The following PCNT variants were observed in gnomAD, a reference collection of about 807,000 sequenced individuals.
PCNT encodes the protein pericentrin.
PCNT carries 319 observed loss-of-function variants against 380.4 expected under a neutral mutation model. The observed-to-expected ratio is 0.84, with a 90% CI of 0.77 to 0.92. The LOEUF (loss-of-function observed/expected upper bound fraction) is 0.92, where lower values mean the gene tolerates loss of function less well. Ranked by LOEUF, PCNT falls within the 40% of genes least tolerant of loss-of-function variation. The pLI, the probability that PCNT is intolerant of heterozygous loss-of-function variation, is 0.00. For synonymous variants in PCNT, 1,845 were observed against 1,735.2 expected (o/e 1.06, Z -1.57); for missense variants, 4,400 against 4,255.3 (o/e 1.03, Z -0.95).
intron 13 of PCNT, among the ~76,000 whole-genome samples, chr21:46,360,769 C>T (rs867135501): frequency 7.2e-5 from 11 of 151,888 alleles, no homozygotes; most frequent in South Asian, 4.2e-4. Flanking sequence ...CCGCCCACCT[C>T]GGCCTCCCAA....
intron 13 of PCNT, 125 bp from the exon 14 acceptor site, chr21:46,363,355 T>C (rs1366974515): frequency 1.3e-6 from 1 of 741,056 alleles, no homozygotes; most frequent in East Asian, 2.4e-5. Flanking sequence ...CCTGTTGCTG[T>C]GTGCAGCGTA....
chr21:46,357,158 G>A lies in PCNT; in HGVS notation c.2121G>A (p.Gln707=), dbSNP rs1311355730. ...ATAGAAATTTGTATGGGAAGTTGCA[G>A]CATGAAACTCGTCTGAAGGACGATT... ...IENRNLYGKL[Q]HETRLKDDLE... Residue 707 remains glutamine, a synonymous_variant, in exon 13 of 47, where the codon CAG becomes CAA. Coordinates refer to ENST00000359568, the MANE Select transcript of PCNT (RefSeq NM_006031.6). 6.2e-7 allele frequency: 1 copy of A among 1,613,606 alleles called. No homozygotes were observed. Among genetic ancestry groups the A allele is most frequent in the Non-Finnish European group, 8.5e-7 (1 of 1,179,470 alleles).
chr21:46,385,790 C>A (rs1569233720), intron 16 of PCNT, 42 bp from the exon 17 acceptor site: 8 of 1,608,260 alleles, frequency 5.0e-6, no homozygotes, highest in Non-Finnish European at 6.0e-6. Flanking sequence ...TTGCTTTTAA[C>A]CAAATTGTTT....
At chr21:46,347,251 T>A (rs1009064407) in intron 5 of PCNT, among the ~76,000 whole-genome samples, 1 of 152,144 alleles carries the variant, frequency 6.6e-6, no homozygotes, top group African/African-American at 2.4e-5. Context: ...GACCTTCACC[T>A]CCTCTCTTAG....
chr21:46,439,583 T>A (rs1213320191), intron 41 of PCNT, among the ~76,000 whole-genome samples: 1 of 152,188 alleles, frequency 6.6e-6, no homozygotes, highest in East Asian at 1.9e-4. Context: ...CATCCTGTAT[T>A]GTTTAGGGTG....
At chr21:46,338,823 C>T (rs1331159360) in intron 3 of PCNT, among the ~76,000 whole-genome samples, 2 of 151,560 alleles carry the variant, frequency 1.3e-5, no homozygotes, top group South Asian at 2.1e-4. Flanking sequence ...CTCACTCGCC[C>T]AGCCTAGAGT....
intron 3 of PCNT, among the ~76,000 whole-genome samples, chr21:46,339,776 TG>T (rs1408767109): frequency 6.6e-6 from 1 of 152,180 alleles, no homozygotes; most frequent in African/African-American, 2.4e-5. Flanking sequence ...GACAATACTT[TG>T]TATCCTTCAA....
chr21:46,380,178 T>TTTTG (rs2085477161), intron 15 of PCNT, among the ~76,000 whole-genome samples: 1 of 70,228 alleles, frequency 1.4e-5, no homozygotes. Flanking sequence ...TTTTTTTTTT[T>TTTTG]TTTTTGAGAC....
In PCNT at chr21:46,333,154, C is replaced by T. The variant is rs117130308; in HGVS notation, c.268-1243C>T. Among the ~76,000 whole-genome samples, 24 of 152,012 alleles carry T rather than the reference C, an allele frequency of 1.6e-4. 1 individual carries two copies. In the East Asian group the frequency reaches 4.6e-3, roughly 29 times the overall value. Reference sequence around the variant, plus strand: ...TTCTTTTTTAAAGTAGAATTCATGGCCGGGCGCAGTGACTCACACCTGTAA... The same window carrying T: ...TTCTTTTTTAAAGTAGAATTCATGGTCGGGCGCAGTGACTCACACCTGTAA... On this transcript the variant is annotated intron_variant, in intron 2 of 46. Transcript: ENST00000359568.
rs77075366 is a variant in PCNT at position 46,427,705 on chromosome 21, G to C, written c.7404G>C (p.Gln2468His). ...QEAFEKEQEMQGVELQPRLSG... is the reference protein window; with the variant it reads ...QEAFEKEQEMHGVELQPRLSG... ...CCTTTGAAAAAGAGCAGGAGATGCA[G>C]GGGGTTGAGCTGCAGCCCCGACTCA... Residue 2468 changes from glutamine (Q) to histidine (H), a missense_variant, in exon 34 of 47, where the codon CAG (glutamine) becomes CAC (histidine). Coordinates refer to ENST00000359568, the MANE Select transcript of PCNT (RefSeq NM_006031.6). The C allele has an allele frequency of 1.3e-3, 2,135 of 1,613,908 alleles. 39 individuals are homozygous for C. The African/African-American group carries it at 0.026, about 19-fold the overall frequency.
At chr21:46,369,792 CAG>C (rs1457177938) in intron 15 of PCNT, among the ~76,000 whole-genome samples, 1 of 152,192 alleles carries the variant, frequency 6.6e-6, no homozygotes, top group Non-Finnish European at 1.5e-5. Flanking sequence ...CCTGTGCAAT[CAG>C]AGACGCCTGC....
intron 37 of PCNT, 55 bp from the exon 38 acceptor site, chr21:46,431,474 G>T (rs1310562389): frequency 1.2e-6 from 2 of 1,613,248 alleles, no homozygotes; most frequent in Admixed American, 1.7e-5. Flanking sequence ...GGAAAACCAT[G>T]TAGACACTTT....
At chr21:46,442,906 G>T in intron 44 of PCNT, 2 of 365,222 alleles carry the variant, frequency 5.5e-6, no homozygotes, top group Non-Finnish European at 1.0e-5. Context: ...CTCTTTCCTT[G>T]TAGAGCATCA....
In PCNT at chr21:46,411,696, T is replaced by A. The variant is rs2086790107; in HGVS notation, c.5623T>A (p.Leu1875Ile). The stretch of plus-strand genomic sequence containing the variant: ...GGAAGCGACGATTGCCGAGAGAAAT[T>A]TAGAAATCGACGCTCTGAACCAGCG... ...AKEATIAERN[L>I]EIDALNQRKA... The change falls in exon 28 of 47, where the codon TTA becomes ATA. Residue 1875 changes from leucine to isoleucine, a missense_variant. Transcript: ENST00000359568. 1 of 1,612,656 alleles carries A rather than the reference T, an allele frequency of 6.2e-7. No homozygotes were observed. The highest frequency in any genetic ancestry group is 1.3e-5 in the African/African-American group (1 of 74,904).
At position 46,411,594 on chromosome 21, in the gene PCNT, A is replaced by G; in HGVS notation, c.5521A>G (p.Asn1841Asp). 6.2e-7 allele frequency: 1 copy of G among 1,612,980 alleles called. No homozygotes were observed. Among genetic ancestry groups the G allele is most frequent in the African/African-American group, 1.3e-5 (1 of 75,034 alleles). ...AELQLAELER[N>D]VALREAEVED... Reference sequence around the variant, plus strand: ...GCTACAGCTGGCTGAGCTGGAGCGCAATGTAGCCCTCAGGGAGGCTGAGGT... The same window carrying G: ...GCTACAGCTGGCTGAGCTGGAGCGCGATGTAGCCCTCAGGGAGGCTGAGGT... Residue 1841 changes from asparagine (N) to aspartate (D), a missense_variant, in exon 28 of 47, where the codon AAT becomes GAT. Asn to Asp is a conservative substitution (Grantham distance 23). Transcript: ENST00000359568.
chr21:46,360,213 ATT>A (rs71318070), intron 13 of PCNT, among the ~76,000 whole-genome samples: 12 of 82,472 alleles, frequency 1.5e-4, no homozygotes, highest in Admixed American at 3.7e-4. Context: ...ATAGTTGGCA[ATT>A]TTTTTTTTTT....
At position 46,363,474 on chromosome 21, in the gene PCNT, C is replaced by G. The variant is rs1305902305; in HGVS notation, c.2155-6C>G. 1.2e-6 allele frequency: 2 copies of G among 1,603,916 alleles called. No homozygotes were observed. Among genetic ancestry groups the G allele is most frequent in the East Asian group, 4.5e-5 (2 of 44,828 alleles). On this transcript the variant is annotated splice_polypyrimidine_tract_variant and splice_region_variant and intron_variant, in intron 13 of 46. Transcript: ENST00000359568. ...TTCCTCCTAAATGAAATTATGTTGTCTGTAGGTAAAACACAATCTAATTGA... is the reference window on the plus strand; with the variant it reads ...TTCCTCCTAAATGAAATTATGTTGTGTGTAGGTAAAACACAATCTAATTGA...
rs368230971 is a variant in PCNT, at chr21:46,401,006, C to T, written c.4792-545C>T. Among the ~76,000 whole-genome samples the T allele has an allele frequency of 2.1e-4, 32 of 152,354 alleles. No individual in the cohort carries two copies. In the East Asian group the frequency reaches 4.0e-3, roughly 19 times the overall value. On this transcript the variant is annotated intron_variant, in intron 25 of 46. Transcript: ENST00000359568. ...TGACAGCTGCTCCAGGGCGGCTTCA[C>T]CCCTTCTGCCTTCACTCAGCGAACG...
At chr21:46,439,961 TG>T in intron 41 of PCNT, 121 bp from the exon 42 acceptor site, 1 of 1,117,564 alleles carries the variant, frequency 8.9e-7, no homozygotes, top group Non-Finnish European at 1.4e-6. Context: ...GGGCCAGGTG[TG>T]GTGTGGTCAG....
Sources: allele counts gnomAD v4.1 joint callset (sites outside exome capture counted in the v4.1 genomes callset), GRCh38; gene constraint gnomAD v4.1.1; transcripts MANE v1.5; gene names NCBI Gene and HGNC (gene_info 2026-07-23, HGNC 2026-07-21).